STK32B: variants seen among roughly 807,000 people sequenced by gnomAD.
STK32B encodes the protein serine/threonine kinase 32B.
Under a neutral mutation model 52.6 loss-of-function variants are expected in STK32B, and 43 were observed. The observed-to-expected ratio is 0.82, with a 90% CI of 0.64 to 1.05. STK32B has a LOEUF of 1.05. Ranked by LOEUF, STK32B falls within the 50% of genes least tolerant of loss-of-function variation. The pLI, the probability that STK32B is intolerant of heterozygous loss-of-function variation, is 0.00. For synonymous variants in STK32B, 238 were observed against 204.3 expected, an observed-to-expected ratio of 1.17 and a Z score of -1.41; for missense variants, 621 against 534.6, an observed-to-expected ratio of 1.16 and a Z score of -1.59.
At chr4:5,232,008 C>T (rs1175909667) in intron 3 of STK32B, among the ~76,000 whole-genome samples, 2 of 152,120 alleles carry the variant, frequency 1.3e-5, no homozygotes, top group African/African-American at 4.8e-5. Flanking sequence ...AGCCGAGTGC[C>T]TGTCATGTGC....
chr4:5,072,766 A>G (rs1711856653), intron 1 of STK32B, among the ~76,000 whole-genome samples: 1 of 152,144 alleles, frequency 6.6e-6, no homozygotes, highest in African/African-American at 2.4e-5. Flanking sequence ...CCATATCCTT[A>G]TGGAGTTTTG....
chr4:5,377,953 A>G (rs1379340722), intron 4 of STK32B, among the ~76,000 whole-genome samples: 1 of 152,166 alleles, frequency 6.6e-6, no homozygotes, highest in Non-Finnish European at 1.5e-5. Context: ...TAAAAACAAA[A>G]TAGTAGTACC....
chr4:5,474,261 A>G lies in STK32B; in HGVS notation c.1106+6191A>G, dbSNP rs143027840. On this transcript the variant is annotated intron_variant, in intron 11 of 11. Transcript: ENST00000282908. ...TCGTGAGCCAGCGCCAATGAGGCAC[A>G]AGGGGTGCAATCCATCACAGGCTTC... Among the ~76,000 whole-genome samples, 820 of 152,350 alleles carry G rather than the reference A, an allele frequency of 5.4e-3. 10 individuals carry two copies. The highest frequency in any genetic ancestry group is 0.019 in the African/African-American group (784 of 41,588).
chr4:5,278,971 A>T (rs1728018353), intron 3 of STK32B, among the ~76,000 whole-genome samples: 1 of 152,126 alleles, frequency 6.6e-6, no homozygotes. Flanking sequence ...ACCTCCCACT[A>T]GGTCCCTACC....
intron 5 of STK32B, among the ~76,000 whole-genome samples, chr4:5,405,671 G>C (rs1179538988): frequency 6.6e-6 from 1 of 152,142 alleles, no homozygotes; most frequent in African/African-American, 2.4e-5. Context: ...TCTTCACATG[G>C]CTGGCAGGAG....
chr4:5,178,943 T>C (rs143308282), intron 3 of STK32B, among the ~76,000 whole-genome samples: 72 of 152,364 alleles, frequency 4.7e-4, no homozygotes, highest in African/African-American at 1.5e-3. Context: ...AGTTACAAAG[T>C]TGCTTCCACA....
intron 4 of STK32B, among the ~76,000 whole-genome samples, chr4:5,350,050 A>G (rs954238919): frequency 6.6e-6 from 1 of 152,218 alleles, no homozygotes; most frequent in Non-Finnish European, 1.5e-5. Flanking sequence ...AAGGAAGGGA[A>G]ATAAAACCTA....
chr4:5,468,792 GTGGCTCACACC>G (rs1322207985), intron 11 of STK32B, among the ~76,000 whole-genome samples: 2 of 152,128 alleles, frequency 1.3e-5, no homozygotes, highest in Non-Finnish European at 2.9e-5. Flanking sequence ...GCCGGGCGCG[GTGGCTCACACC>G]TGTAATTCTA....
chr4:5,471,754 C>T (rs1717871826), intron 11 of STK32B, among the ~76,000 whole-genome samples: 1 of 152,156 alleles, frequency 6.6e-6, no homozygotes, highest in Admixed American at 6.5e-5. Context: ...ACCAGGGTGT[C>T]TAAGTGGTGC....
chr4:5,423,331 C>A (rs745948765), intron 6 of STK32B, among the ~76,000 whole-genome samples: 18 of 152,060 alleles, frequency 1.2e-4, no homozygotes, highest in Non-Finnish European at 2.1e-4. Flanking sequence ...AAAGCACTTA[C>A]CATGATGAAC....
chr4:5,050,651 C>T (rs1206306045), upstream of STK32B, among the ~76,000 whole-genome samples: 1 of 152,188 alleles, frequency 6.6e-6, no homozygotes, highest in Non-Finnish European at 1.5e-5. Context: ...CCCTGCAGTC[C>T]CGGAGAGCTG....
At chr4:5,244,301 T>C (rs1725275882) in intron 3 of STK32B, among the ~76,000 whole-genome samples, 1 of 152,226 alleles carries the variant, frequency 6.6e-6, no homozygotes, top group Admixed American at 6.5e-5. Flanking sequence ...TGGTTTAGTC[T>C]TGGGAGGGTG....
At chr4:5,310,800 A>C (rs1426615810) in intron 3 of STK32B, among the ~76,000 whole-genome samples, 1 of 152,208 alleles carries the variant, frequency 6.6e-6, no homozygotes, top group African/African-American at 2.4e-5. Flanking sequence ...AAGTGTCCAC[A>C]AATAGATGAA....
rs773414269 is a variant in STK32B, at chr4:5,499,128, C to T, written c.*45C>T. ...CAACAGGACTGCACTCGTCTCTGCC[C>T]TGCCCACCCAGAGCCCCTCTTTGTG... On this transcript the variant is annotated 3_prime_UTR_variant, in exon 12 of 12. Transcript: ENST00000282908. 180 of 1,552,364 alleles carry T rather than the reference C, an allele frequency of 1.2e-4. No individual in the cohort carries two copies. Among genetic ancestry groups the T allele is most frequent in the Non-Finnish European group, 1.5e-4 (169 of 1,143,902 alleles).
At chr4:5,229,564 A>G (rs183788417) in intron 3 of STK32B, among the ~76,000 whole-genome samples, 108 of 152,300 alleles carry the variant, frequency 7.1e-4, no homozygotes, top group Middle Eastern at 3.4e-3. Flanking sequence ...TTAGACATGG[A>G]TGATATAGGT....
the STK32B span, among the ~76,000 whole-genome samples, chr4:5,037,134 G>A: frequency 6.6e-6 from 1 of 152,118 alleles, no homozygotes; most frequent in Non-Finnish European, 1.5e-5. Context: ...GTGCACTGTA[G>A]GATGCTGAGC....
At chr4:5,104,674 A>G (rs561706975) in intron 1 of STK32B, among the ~76,000 whole-genome samples, 2 of 152,350 alleles carry the variant, frequency 1.3e-5, no homozygotes, top group South Asian at 4.1e-4. Context: ...AGCCCCTTTC[A>G]TGACTCTGTG....
chr4:5,127,918 T>A (rs1021421716), intron 1 of STK32B, among the ~76,000 whole-genome samples: 41 of 151,718 alleles, frequency 2.7e-4, no homozygotes, highest in African/African-American at 9.5e-4. Context: ...TAAAGGAGAG[T>A]TCCCCTACAC....
intron 3 of STK32B, among the ~76,000 whole-genome samples, chr4:5,189,730 C>T (rs1390787416): frequency 6.6e-6 from 1 of 152,074 alleles, no homozygotes; most frequent in Non-Finnish European, 1.5e-5. Flanking sequence ...AAGACATTGC[C>T]AATCTGTTTT....
Sources: gnomAD v4.1 joint callset for allele counts (sites outside exome capture counted in the v4.1 genomes callset) on GRCh38, gnomAD v4.1.1 for gene constraint, MANE v1.5 for transcripts, NCBI Gene and HGNC (gene_info 2026-07-23, HGNC 2026-07-21) for gene names.